The following ERBB4 variants were observed in gnomAD, a reference collection of about 807,000 sequenced individuals.
The protein encoded by ERBB4 is receptor tyrosine-protein kinase erbB-4.
ERBB4 carries 42 observed loss-of-function variants against 158.0 expected under a neutral mutation model. That is an observed-to-expected ratio of 0.27 (90% CI 0.21 to 0.34). The LOEUF is 0.34. Ranked by LOEUF, ERBB4 falls within the 10% of genes least tolerant of loss-of-function variation. The pLI, the probability that ERBB4 is intolerant of heterozygous loss-of-function variation, is 1.00. For synonymous variants in ERBB4, 583 were observed against 558.7 expected, an observed-to-expected ratio of 1.04 and a Z score of -0.61; for missense variants, 1,333 against 1,624.1, an observed-to-expected ratio of 0.82 and a Z score of 3.08.
rs535749897 is a variant in ERBB4, at chr2:211,790,159, G to A, written c.422-2000C>T. On this transcript the variant is annotated intron_variant, in intron 3 of 27. Coordinates refer to ENST00000342788, the MANE Select transcript of ERBB4 (RefSeq NM_005235.3). ...TGTTTGGCATTAAGTTTTTATCTACGAAATGTGATGATCTCATACTAATAG... is the reference window on the plus strand; with the variant it reads ...TGTTTGGCATTAAGTTTTTATCTACAAAATGTGATGATCTCATACTAATAG... 2.6e-3 allele frequency among the ~76,000 whole-genome samples: 391 copies of A among 152,062 alleles called. 2 individuals are homozygous for A. Among genetic ancestry groups the A allele is most frequent in the African/African-American group, 8.9e-3 (371 of 41,502 alleles).
rs1489069228 is a variant in ERBB4 at position 211,892,834 on chromosome 2, C to T, written c.421+54596G>A. 2.7e-4 allele frequency among the ~76,000 whole-genome samples: 38 copies of T among 142,870 alleles called. 5 individuals are homozygous for T. Among genetic ancestry groups the T allele is most frequent in the Non-Finnish European group, 4.5e-4 (30 of 65,966 alleles). The allele number at this position is 142,870 out of a possible 152,430, so 93.7% of individuals were successfully genotyped here. A position where few individuals can be genotyped will look rare whatever the true frequency, so the allele number is the denominator to read the frequency against. On this transcript the variant is annotated intron_variant, in intron 3 of 27. Coordinates refer to ENST00000342788, the MANE Select transcript of ERBB4 (RefSeq NM_005235.3). ...AATTGCTTCAAAGAAAATAAAATACCTAGGAATCCAACTTACAAGGGATGT... is the reference window on the plus strand; with the variant it reads ...AATTGCTTCAAAGAAAATAAAATACTTAGGAATCCAACTTACAAGGGATGT...
chr2:211,960,536 C>T (rs1219000025), intron 2 of ERBB4: 2 of 152,102 alleles, frequency 1.3e-5, no homozygotes, highest in Non-Finnish European at 1.5e-5. Context: ...AAAGGTAGTG[C>T]CTTAGTCTGT....
intron 3 of ERBB4, among the ~76,000 whole-genome samples, chr2:211,798,042 A>ATATTG (rs1192340435): frequency 6.6e-6 from 1 of 152,050 alleles, no homozygotes; most frequent in Non-Finnish European, 1.5e-5. Flanking sequence ...TATGTTTTAC[A>ATATTG]TATACATGTA....
chr2:211,787,440 T>C (rs1000042301), intron 4 of ERBB4, among the ~76,000 whole-genome samples: 6 of 152,216 alleles, frequency 3.9e-5, no homozygotes, highest in African/African-American at 1.4e-4. Context: ...ATTTTAAGAA[T>C]GAGAAATTCA....
intron 1 of ERBB4, among the ~76,000 whole-genome samples, chr2:212,175,372 TTCTC>T (rs1471547682): frequency 6.6e-6 from 1 of 152,018 alleles, no homozygotes; most frequent in East Asian, 1.9e-4. Flanking sequence ...ATGTCACTGT[TTCTC>T]TCTGCTTTCC....
intron 20 of ERBB4, among the ~76,000 whole-genome samples, chr2:211,550,600 T>G (rs1310136780): frequency 6.9e-5 from 10 of 145,270 alleles, no homozygotes; most frequent in African/African-American, 2.0e-4. Context: ...TATATAAATA[T>G]ATAGATATCT....
chr2:211,651,333 G>C (rs2070973985), intron 16 of ERBB4, among the ~76,000 whole-genome samples: 1 of 152,044 alleles, frequency 6.6e-6, no homozygotes, highest in South Asian at 2.1e-4. Flanking sequence ...TAATAATCAA[G>C]TTTCCTTCAG....
At chr2:211,931,263 G>T (rs957164358) in intron 3 of ERBB4, among the ~76,000 whole-genome samples, 2 of 151,930 alleles carry the variant, frequency 1.3e-5, no homozygotes, top group African/African-American at 4.8e-5. Context: ...TTTTAAAAAT[G>T]AATCTATCTT....
intron 5 of ERBB4, among the ~76,000 whole-genome samples, chr2:211,725,451 G>T (rs1048560821): frequency 1.3e-5 from 2 of 151,984 alleles, no homozygotes; most frequent in East Asian, 3.9e-4. Context: ...TAACAAGAAA[G>T]AATCCAATTT....
chr2:211,911,320 G>A (rs2079535898), intron 3 of ERBB4, among the ~76,000 whole-genome samples: 1 of 152,142 alleles, frequency 6.6e-6, no homozygotes, highest in Non-Finnish European at 1.5e-5. Context: ...AGATTAGAGT[G>A]TAGTGGCTTG....
intron 19 of ERBB4, among the ~76,000 whole-genome samples, chr2:211,563,142 G>T (rs2067452544): frequency 6.6e-6 from 1 of 152,208 alleles, no homozygotes; most frequent in African/African-American, 2.4e-5. Context: ...ACATATGATG[G>T]TTATTTAGTG....
At chr2:211,409,579 A>G (rs2063215949) in intron 25 of ERBB4, among the ~76,000 whole-genome samples, 2 of 152,102 alleles carry the variant, frequency 1.3e-5, no homozygotes. Context: ...TTAACTCTTG[A>G]TTACAGGGAG....
At chr2:212,032,540 T>G (rs956016611) in intron 2 of ERBB4, among the ~76,000 whole-genome samples, 1 of 152,104 alleles carries the variant, frequency 6.6e-6, no homozygotes, top group African/African-American at 2.4e-5. Context: ...TCACCACTTT[T>G]GATAAGTACA....
chr2:211,720,043 C>T (rs1204338915), intron 7 of ERBB4, among the ~76,000 whole-genome samples: 1 of 152,202 alleles, frequency 6.6e-6, no homozygotes, highest in South Asian at 2.1e-4. Flanking sequence ...CAAGGAAAAA[C>T]AAAATCTTGC....
chr2:211,854,757 G>C (rs2077809848), intron 3 of ERBB4, among the ~76,000 whole-genome samples: 1 of 152,002 alleles, frequency 6.6e-6, no homozygotes, highest in Admixed American at 6.6e-5. Flanking sequence ...TAGGTTGTTA[G>C]CACCAATAAT....
chr2:211,708,169 T>G (rs193080280), intron 9 of ERBB4, among the ~76,000 whole-genome samples: 53 of 152,182 alleles, frequency 3.5e-4, no homozygotes, highest in Admixed American at 3.2e-3. Flanking sequence ...ATAACATGTC[T>G]AATTCTACTG....
At chr2:212,100,197 G>A (rs1030137695) in intron 2 of ERBB4, among the ~76,000 whole-genome samples, 16 of 152,122 alleles carry the variant, frequency 1.1e-4, no homozygotes, top group African/African-American at 3.9e-4. Flanking sequence ...CTAATGGGTT[G>A]TTATATCAAT....
chr2:211,884,569 C>A (rs1002238075), intron 3 of ERBB4, among the ~76,000 whole-genome samples: 3 of 152,240 alleles, frequency 2.0e-5, no homozygotes, highest in East Asian at 3.9e-4. Flanking sequence ...CCATAAGGAA[C>A]CCCTAGATGT....
chr2:212,377,369 C>G (rs1330817442), intron 1 of ERBB4, among the ~76,000 whole-genome samples: 2 of 151,472 alleles, frequency 1.3e-5, no homozygotes, highest in Admixed American at 1.3e-4. Context: ...TGCCATTGTG[C>G]AAATATTAGA....
Sources: allele counts gnomAD v4.1 joint callset (sites outside exome capture counted in the v4.1 genomes callset), GRCh38; gene constraint gnomAD v4.1.1; transcripts MANE v1.5; gene names NCBI Gene and HGNC (gene_info 2026-07-23, HGNC 2026-07-21).